COL22A1: variants seen among roughly 807,000 people sequenced by gnomAD.
COL22A1 encodes collagen type XXII alpha 1 chain.
Under a neutral mutation model 248.9 loss-of-function variants are expected in COL22A1, and 221 were observed. The observed-to-expected ratio is 0.89, with a 90% CI of 0.80 to 0.99. The LOEUF is 0.99. Ranked by LOEUF, COL22A1 falls within the 50% of genes least tolerant of loss-of-function variation. The probability of loss-of-function intolerance (pLI) is 0.00; values close to 1 mark genes in which losing one functional copy is unlikely to be tolerated. For missense variants in COL22A1, 2,240 were observed against 2,179.0 expected (o/e 1.03, Z -0.56); for synonymous variants, 891 against 793.4 (o/e 1.12, Z -2.07).
chr8:138,822,734 G>C (rs1819249938), intron 6 of COL22A1, among the ~76,000 whole-genome samples: 1 of 152,128 alleles, frequency 6.6e-6, no homozygotes, highest in Non-Finnish European at 1.5e-5. Context: ...CCAGTGAGCA[G>C]GAAGAGAGAG....
At chr8:138,687,371 T>C (rs1006606502) in intron 37 of COL22A1, among the ~76,000 whole-genome samples, 7 of 152,262 alleles carry the variant, frequency 4.6e-5, no homozygotes, top group African/African-American at 9.6e-5. Context: ...GACGTGTATC[T>C]TAAAATTGAA....
chr8:138,676,615 C>T lies in COL22A1; in HGVS notation c.3093G>A (p.Gly1031=). Residue 1031 remains glycine (G), a synonymous_variant, in exon 41 of 65, where the codon GGG becomes GGA. Coordinates refer to ENST00000303045, the MANE Select transcript of COL22A1 (RefSeq NM_152888.3). The part of the protein sequence containing the change: ...QCVKGDRGAP[G]IPGSPGSRGD... The stretch of plus-strand genomic sequence containing the variant: ...CACGGCTGCCAGGAGAACCAGGGAT[C>T]CCAGGAGCTCCTCGATCCCCCTAGA... 6.4e-7 allele frequency: 1 copy of T among 1,566,614 alleles called. No homozygotes were observed. The highest frequency in any genetic ancestry group is 8.7e-7 in the Non-Finnish European group (1 of 1,154,672).
chr8:138,589,054 A>C lies in COL22A1; in HGVS notation c.*199T>G, dbSNP rs950214663. The C allele has an allele frequency of 1.1e-5, 6 of 555,690 alleles. No homozygotes were observed. The highest frequency in any genetic ancestry group is 1.9e-5 in the Non-Finnish European group (6 of 316,168). 34.4% of individuals were successfully genotyped at this position (555,690 alleles called of 1,614,324 possible). A position where few individuals can be genotyped will look rare whatever the true frequency, so the allele number is the denominator to read the frequency against. On this transcript the variant is annotated 3_prime_UTR_variant, in exon 65 of 65. Transcript: ENST00000303045. ...ATTAACAACAACAATAATATTAATA[A>C]TAATCTGACCGACCGGCAGCGTCTG...
intron 5 of COL22A1, chr8:138,827,458 T>A (rs924322119): frequency 2.0e-5 from 3 of 153,040 alleles, no homozygotes; most frequent in African/African-American, 7.2e-5. Flanking sequence ...CCTGCAGAAC[T>A]GTGAGGAGTA....
intron 63 of COL22A1, among the ~76,000 whole-genome samples, chr8:138,592,433 G>C (rs1356211135): frequency 6.6e-6 from 1 of 152,164 alleles, no homozygotes; most frequent in Non-Finnish European, 1.5e-5. Context: ...TAATAATCGT[G>C]TTTGGTCAGT....
At chr8:138,734,907 A>G (rs1250848461) in intron 23 of COL22A1, among the ~76,000 whole-genome samples, 1 of 152,168 alleles carries the variant, frequency 6.6e-6, no homozygotes, top group Non-Finnish European at 1.5e-5. Context: ...TCAGCAAACT[A>G]ACACTGGAAC....
intron 3 of COL22A1, among the ~76,000 whole-genome samples, chr8:138,865,427 G>A (rs534038395): frequency 1.5e-4 from 23 of 149,092 alleles, no homozygotes; most frequent in African/African-American, 4.7e-4. Flanking sequence ...TTGTAGGCAC[G>A]TGTGTGGTGT....
chr8:138,634,035 T>A (rs1044670296), intron 49 of COL22A1, among the ~76,000 whole-genome samples: 1 of 152,198 alleles, frequency 6.6e-6, no homozygotes, highest in Non-Finnish European at 1.5e-5. Flanking sequence ...TACCTTTTTG[T>A]GAGTTTGCTC....
In COL22A1 at chr8:138,720,453, G is replaced by C. The variant is rs374854916; in HGVS notation, c.2355+286C>G. Among the ~76,000 whole-genome samples the C allele has an allele frequency of 3.5e-4, 53 of 152,118 alleles. 2 individuals are homozygous for C. Among genetic ancestry groups the C allele is most frequent in the African/African-American group, 1.3e-3 (52 of 41,476 alleles). ...GGTGGGGGCTCTTTCCGGCTCTCGT[G>C]GGGGATAGTGCCTTCTTCTCCAGCT... On this transcript the variant is annotated intron_variant, in intron 27 of 64. Coordinates refer to ENST00000303045, the MANE Select transcript of COL22A1 (RefSeq NM_152888.3).
At chr8:138,761,137 C>A (rs1563725916) in intron 17 of COL22A1, among the ~76,000 whole-genome samples, 1 of 152,194 alleles carries the variant, frequency 6.6e-6, no homozygotes, top group South Asian at 2.1e-4. Context: ...CACCCTGAGA[C>A]CCTCGCCGGC....
Position 138,878,204 on chromosome 8 carries a change from G to A in COL22A1, c.204C>T (p.Phe68=), listed in dbSNP as rs373662661. ...RQWVANLVDT[F]EVGPDRTRVG... is the part of the protein sequence containing the mutation. ...CACGGGTGCGGTCGGGGCCCACCTC[G>A]AAGGTGTCCACCAGGTTGGCCACCC... is the stretch of plus-strand genomic sequence containing the variant. The change falls in exon 3 of 65, where the codon TTC becomes TTT. Residue 68 remains phenylalanine (F), a synonymous_variant. Transcript: ENST00000303045. The A allele has an allele frequency of 4.4e-6, 7 of 1,598,224 alleles. No homozygotes were observed. Among genetic ancestry groups the A allele is most frequent in the Middle Eastern group, 1.7e-4 (1 of 6,042 alleles).
chr8:138,833,230 C>A, intron 4 of COL22A1, 80 bp from the exon 5 acceptor site: 1 of 930,418 alleles, frequency 1.1e-6, no homozygotes, highest in East Asian at 2.4e-5. Context: ...CCGCTGTCTG[C>A]AAAGGCAGCC....
intron 13 of COL22A1, among the ~76,000 whole-genome samples, chr8:138,780,395 T>C (rs1410837442): frequency 6.6e-6 from 1 of 152,174 alleles, no homozygotes; most frequent in Non-Finnish European, 1.5e-5. Context: ...GCAGAACTAA[T>C]GTGTACTTGG....
chr8:138,798,570 CCT>C (rs1310349074), intron 11 of COL22A1, among the ~76,000 whole-genome samples: 2 of 151,968 alleles, frequency 1.3e-5, no homozygotes, highest in African/African-American at 2.4e-5. Context: ...TCCCTTCTTC[CCT>C]CTTTTTGTGC....
chr8:138,707,045 G>T (rs2131022773), intron 30 of COL22A1, among the ~76,000 whole-genome samples: 1 of 152,242 alleles, frequency 6.6e-6, no homozygotes, highest in Non-Finnish European at 1.5e-5. Context: ...AGAAGAAATG[G>T]ATAAACTCCT....
intron 9 of COL22A1, among the ~76,000 whole-genome samples, chr8:138,811,097 A>G (rs1309940515): frequency 6.6e-6 from 1 of 151,868 alleles, no homozygotes; most frequent in East Asian, 1.9e-4. Context: ...GAACTTTTTT[A>G]CCCCTTATCA....
chr8:138,651,168 G>T (rs1023581672), intron 45 of COL22A1, among the ~76,000 whole-genome samples: 2 of 152,134 alleles, frequency 1.3e-5, no homozygotes, highest in African/African-American at 4.8e-5. Flanking sequence ...CCTCCAAGAA[G>T]ACTTCCTGAT....
chr8:138,708,482 A>G (rs1828675376), intron 30 of COL22A1, among the ~76,000 whole-genome samples: 1 of 152,200 alleles, frequency 6.6e-6, no homozygotes, highest in East Asian at 1.9e-4. Flanking sequence ...AAATAATACC[A>G]CACATCTACA....
intron 3 of COL22A1, among the ~76,000 whole-genome samples, chr8:138,863,639 G>C (rs575821609): frequency 2.4e-4 from 36 of 152,290 alleles, no homozygotes; most frequent in African/African-American, 8.4e-4. Context: ...ACGCAACGCG[G>C]AAGTGGGTGC....
Sources: allele counts gnomAD v4.1 joint callset (sites outside exome capture counted in the v4.1 genomes callset), GRCh38; gene constraint gnomAD v4.1.1; transcripts MANE v1.5; gene names NCBI Gene and HGNC (gene_info 2026-07-23, HGNC 2026-07-21).